Variants in MKLN1 observed in about 807,000 individuals in gnomAD.
MKLN1 encodes muskelin.
Under a neutral mutation model 99.0 loss-of-function variants are expected in MKLN1, and 18 were observed. That is an observed-to-expected ratio of 0.18 (90% CI 0.13 to 0.27). MKLN1 has a LOEUF of 0.27. Among genes scored for constraint, MKLN1 ranks in the 10% least tolerant of loss-of-function variants. MKLN1 has a pLI of 1.00. For synonymous variants in MKLN1, 288 were observed against 293.2 expected, an observed-to-expected ratio of 0.98 and a Z score of 0.18; for missense variants, 621 against 875.9, an observed-to-expected ratio of 0.71 and a Z score of 3.67.
At chr7:131,236,660 CA>C (rs912512919) in intron 3 of MKLN1, among the ~76,000 whole-genome samples, 4 of 150,902 alleles carry the variant, frequency 2.7e-5, no homozygotes, top group Admixed American at 6.6e-5. Flanking sequence ...GATTCCATCT[CA>C]AAAAAAAATT....
At chr7:131,384,098 C>T (rs1033091276) in intron 2 of MKLN1, among the ~76,000 whole-genome samples, 1 of 152,096 alleles carries the variant, frequency 6.6e-6, no homozygotes, top group Non-Finnish European at 1.5e-5. Flanking sequence ...TCTGCCCTGC[C>T]TATTAGGCTG....
At chr7:131,154,426 G>T (rs1349515946) in intron 2 of MKLN1, among the ~76,000 whole-genome samples, 1 of 152,162 alleles carries the variant, frequency 6.6e-6, no homozygotes, top group African/African-American at 2.4e-5. Context: ...TCCTTGAGAA[G>T]CAGGATTCTC....
chr7:131,160,102 C>G (rs1796024969), intron 2 of MKLN1, among the ~76,000 whole-genome samples: 2 of 152,188 alleles, frequency 1.3e-5, no homozygotes, highest in African/African-American at 4.8e-5. Context: ...CAGACCCTGG[C>G]AACCACTTAT....
chr7:131,158,192 C>G (rs1341364268), intron 2 of MKLN1, among the ~76,000 whole-genome samples: 1 of 152,210 alleles, frequency 6.6e-6, no homozygotes, highest in African/African-American at 2.4e-5. Flanking sequence ...GTAATCCCAG[C>G]ACTTGGGGAG....
chr7:131,153,071 G>T (rs1795913084), intron 2 of MKLN1, among the ~76,000 whole-genome samples: 1 of 148,006 alleles, frequency 6.8e-6, no homozygotes, highest in African/African-American at 2.5e-5. Flanking sequence ...CCTAGGGAGT[G>T]GAGTATTTTG....
chr7:131,153,670 T>TTTG (rs1554529427), intron 2 of MKLN1, among the ~76,000 whole-genome samples: 3 of 148,094 alleles, frequency 2.0e-5, no homozygotes, highest in African/African-American at 7.4e-5. Context: ...TTTGGTTTTT[T>TTTG]TTTTTTTTTT....
At chr7:131,416,477 C>T (rs547414727) in intron 8 of MKLN1, among the ~76,000 whole-genome samples, 1 of 150,700 alleles carries the variant, frequency 6.6e-6, no homozygotes, top group Non-Finnish European at 1.5e-5. Context: ...GGTCAGAGAG[C>T]CTTGAAATAC....
At chr7:131,295,504 C>T (rs1798277411) in intron 3 of MKLN1, among the ~76,000 whole-genome samples, 1 of 150,888 alleles carries the variant, frequency 6.6e-6, no homozygotes, top group Non-Finnish European at 1.5e-5. Flanking sequence ...GTGCTTATTT[C>T]TTTATTTTAC....
chr7:131,264,825 C>T (rs1797784129), intron 3 of MKLN1, among the ~76,000 whole-genome samples: 1 of 151,992 alleles, frequency 6.6e-6, no homozygotes, highest in African/African-American at 2.4e-5. Context: ...TACATTTTCT[C>T]CACTTATTCG....
intron 3 of MKLN1, among the ~76,000 whole-genome samples, chr7:131,234,625 T>G (rs917836832): frequency 2.6e-5 from 4 of 152,224 alleles, no homozygotes; most frequent in Non-Finnish European, 5.9e-5. Context: ...TGTGTGATAC[T>G]GAGTTTTGCT....
At chr7:131,429,361 G>A (rs1175516176) in intron 9 of MKLN1, among the ~76,000 whole-genome samples, 4 of 152,196 alleles carry the variant, frequency 2.6e-5, no homozygotes, top group Non-Finnish European at 4.4e-5. Flanking sequence ...TAGAGAGAGA[G>A]AGAGTGAGGA....
intron 2 of MKLN1, among the ~76,000 whole-genome samples, chr7:131,165,839 G>A (rs1279078577): frequency 2.6e-5 from 4 of 152,164 alleles, no homozygotes; most frequent in Middle Eastern, 3.2e-3. Flanking sequence ...ATGGGGCTAG[G>A]CACGGTAGCT....
chr7:131,127,953 C>A (rs185132593), intron 1 of MKLN1, among the ~76,000 whole-genome samples: 16 of 152,004 alleles, frequency 1.1e-4, no homozygotes, highest in Admixed American at 4.6e-4. Context: ...AATAAGTAAC[C>A]AGGGAAAAAG....
At chr7:131,437,407 A>G (rs1795705460) in intron 9 of MKLN1, among the ~76,000 whole-genome samples, 1 of 152,228 alleles carries the variant, frequency 6.6e-6, no homozygotes, top group Admixed American at 6.5e-5. Context: ...AAGACCAAAC[A>G]TGTCTTAAAG....
At chr7:131,214,168 A>C (rs551255693) in intron 3 of MKLN1, among the ~76,000 whole-genome samples, 55 of 152,310 alleles carry the variant, frequency 3.6e-4, no homozygotes, top group African/African-American at 1.3e-3. Flanking sequence ...GATTACAGGC[A>C]TGAGCCACTG....
intron 3 of MKLN1, among the ~76,000 whole-genome samples, chr7:131,252,407 C>A (rs577352678): frequency 4.5e-4 from 66 of 147,296 alleles, no homozygotes; most frequent in South Asian, 1.5e-3. Flanking sequence ...CGGCTCACTG[C>A]AACCTCCGCT....
At chr7:131,157,167 G>A (rs987449666) in intron 2 of MKLN1, among the ~76,000 whole-genome samples, 2 of 152,142 alleles carry the variant, frequency 1.3e-5, no homozygotes, top group African/African-American at 4.8e-5. Context: ...ATCACTTGAA[G>A]CCAGGAGTTC....
At chr7:131,331,460 G>T (rs1799071917) in intron 1 of MKLN1, among the ~76,000 whole-genome samples, 1 of 152,142 alleles carries the variant, frequency 6.6e-6, no homozygotes, top group South Asian at 2.1e-4. Context: ...ATTTAGGGAG[G>T]TAAGTTAACT....
chr7:131,426,767 T>A (rs1194591112), intron 8 of MKLN1, among the ~76,000 whole-genome samples: 3 of 152,154 alleles, frequency 2.0e-5, no homozygotes, highest in African/African-American at 7.2e-5. Flanking sequence ...GTAACTTTTT[T>A]TTTTTTAGAT....
Sources: gnomAD v4.1 joint callset for allele counts (sites outside exome capture counted in the v4.1 genomes callset) on GRCh38, gnomAD v4.1.1 for gene constraint, MANE v1.5 for transcripts, NCBI Gene and HGNC (gene_info 2026-07-23, HGNC 2026-07-21) for gene names.